ZNF138: variants seen among roughly 807,000 people sequenced by gnomAD.
ZNF138 encodes the protein zinc finger protein 138, also known as zinc finger protein 138 (clone pHZ-32).
In ZNF138, 33 loss-of-function variants were observed where a neutral mutation model predicts 33.0. The observed-to-expected ratio is 1.00, with a 90% confidence interval of 0.76 to 1.34. The LOEUF is 1.34. ZNF138 is among the 40% of genes most tolerant of loss of function. ZNF138 has a pLI of 0.00. For synonymous variants in ZNF138, 139 were observed against 120.4 expected (o/e 1.15, Z -1.01); for missense variants, 360 against 370.8 (o/e 0.97, Z 0.24).
In ZNF138 at chr7:64,831,551, G is replaced by GAA; in HGVS notation, c.310_311dup (p.Asn104LysfsTer5). 3.7e-6 allele frequency: 6 copies of GAA among 1,613,516 alleles called. No homozygotes were observed. Among genetic ancestry groups the GAA allele is most frequent in the African/African-American group, 1.3e-5 (1 of 75,002 alleles). ...GCAGATATGGAAAATATGGACATAA[G>GAA]AATTTACAGTTAAGAAAAGGCTGTA... On this transcript the variant is annotated frameshift_variant, in exon 4 of 4. Coordinates refer to ENST00000307355, the MANE Select transcript of ZNF138 (RefSeq NM_001271639.2). LOFTEE classifies it high-confidence loss of function.
the ZNF138 span, among the ~76,000 whole-genome samples, chr7:64,859,278 T>C: frequency 0.015 from 2,277 of 152,266 alleles, 61 homozygotes; most frequent in African/African-American, 0.052. Flanking sequence ...GAAAATTGTA[T>C]TTTATTAGTT....
intron 1 of ZNF138, among the ~76,000 whole-genome samples, chr7:64,810,412 G>A (rs1294672757): frequency 1.2e-4 from 13 of 106,508 alleles, no homozygotes; most frequent in Non-Finnish European, 1.8e-4. Context: ...GTCCAGCTTC[G>A]GCTCAGCATG....
chr7:64,821,324 T>C (rs1377617212), intron 3 of ZNF138, among the ~76,000 whole-genome samples: 3 of 151,204 alleles, frequency 2.0e-5, no homozygotes, highest in Admixed American at 6.6e-5. Flanking sequence ...CTCGTGACAT[T>C]GTGATCCACC....
chr7:64,840,479 CATT>C, the ZNF138 span, among the ~76,000 whole-genome samples: 1 of 5,030 alleles, frequency 2.0e-4, no homozygotes, highest in East Asian at 0.056. Flanking sequence ...ATATTTATGT[CATT>C]ATATGGCATT....
At chr7:64,854,462 A>G in the ZNF138 span, among the ~76,000 whole-genome samples, 10 of 152,190 alleles carry the variant, frequency 6.6e-5, no homozygotes, top group African/African-American at 2.2e-4. Flanking sequence ...GCTAGTCTTG[A>G]ACTCCTGACC....
intron 1 of ZNF138, among the ~76,000 whole-genome samples, chr7:64,807,359 T>G (rs542198411): frequency 3.9e-5 from 6 of 152,334 alleles, no homozygotes; most frequent in Non-Finnish European, 8.8e-5. Context: ...AATCCACTTA[T>G]AACTGCTGCT....
the ZNF138 span, among the ~76,000 whole-genome samples, chr7:64,854,851 A>T: frequency 3.3e-5 from 5 of 152,176 alleles, no homozygotes; most frequent in African/African-American, 9.7e-5. Flanking sequence ...AATACAAATA[A>T]TTTTCATGGG....
At chr7:64,828,182 G>GT (rs76909260) in intron 3 of ZNF138, among the ~76,000 whole-genome samples, 102,000 of 150,954 alleles carry the variant, frequency 0.68, 34,962 homozygotes, top group East Asian at 0.84. Flanking sequence ...CATAATTCTG[G>GT]TTTTTTTTTA....
At chr7:64,852,626 G>A in the ZNF138 span, 12 of 1,469,402 alleles carry the variant, frequency 8.2e-6, no homozygotes, top group East Asian at 4.5e-5. Flanking sequence ...GTTGAGCCTC[G>A]CCATGTTCAT....
intron 1 of ZNF138, among the ~76,000 whole-genome samples, chr7:64,798,086 G>A (rs1053018348): frequency 2.6e-5 from 4 of 152,126 alleles, no homozygotes; most frequent in Admixed American, 2.0e-4. Context: ...GATTACAGCC[G>A]CCCACCACCA....
Position 64,831,918 on chromosome 7 carries a change from GAAGT to G in ZNF138, c.678_681del (p.Glu226AspfsTer17), listed in dbSNP as rs1241002545. The G allele has an allele frequency of 6.2e-7, 1 of 1,613,570 alleles. No individual in the cohort carries two copies. The highest frequency in any genetic ancestry group is 1.7e-5 in the Admixed American group (1 of 59,976). On this transcript the variant is annotated frameshift_variant, in exon 4 of 4. Coordinates refer to ENST00000307355, the MANE Select transcript of ZNF138 (RefSeq NM_001271639.2). LOFTEE classifies it high-confidence loss of function. ...TACTGGAGAAAAACCCTACAAATGT[GAAGT>G]ATGTGGAAAAGCCTTTCACCAATCC...
chr7:64,794,907 A>G (rs568803163), intron 1 of ZNF138, among the ~76,000 whole-genome samples: 9 of 152,246 alleles, frequency 5.9e-5, no homozygotes, highest in African/African-American at 2.2e-4. Context: ...ATGAATGGGA[A>G]GAGGTTTCCT....
At position 64,831,756 on chromosome 7, in the gene ZNF138, T is replaced by C. The variant is rs1481188916; in HGVS notation, c.514T>C (p.Cys172Arg). Residue 172 changes from cysteine to arginine, a missense_variant, in exon 4 of 4, where the codon TGT becomes CGT. Coordinates refer to ENST00000307355, the MANE Select transcript of ZNF138 (RefSeq NM_001271639.2). ...AAATAAACATTTCAGATGTAAAGAA[T>C]GTGACAAATCACTTTGCATGCTTTC... is the stretch of plus-strand genomic sequence containing the variant. ...TENKHFRCKE[C>R]DKSLCMLSRL... 1 of 1,613,730 alleles carries C rather than the reference T, an allele frequency of 6.2e-7. No individual in the cohort carries two copies. The highest frequency in any genetic ancestry group is 1.7e-5 in the Admixed American group (1 of 60,008).
intron 1 of ZNF138, among the ~76,000 whole-genome samples, chr7:64,796,425 C>T (rs1047334213): frequency 6.6e-6 from 1 of 151,062 alleles, no homozygotes; most frequent in Non-Finnish European, 1.5e-5. Context: ...CTGCCACTCC[C>T]TGGGATTGTC....
intron 3 of ZNF138, among the ~76,000 whole-genome samples, chr7:64,827,222 A>G (rs1239354309): frequency 6.7e-6 from 1 of 149,740 alleles, no homozygotes; most frequent in African/African-American, 2.5e-5. Flanking sequence ...AATTACAGGG[A>G]TGAGCCACTG....
chr7:64,822,766 A>T (rs13240139), intron 3 of ZNF138, among the ~76,000 whole-genome samples: 1 of 152,216 alleles, frequency 6.6e-6, no homozygotes, highest in Non-Finnish European at 1.5e-5. Flanking sequence ...AATCAAATTT[A>T]AAAATTTTAA....
chr7:64,827,748 T>C (rs1174404311), intron 3 of ZNF138, among the ~76,000 whole-genome samples: 1 of 152,190 alleles, frequency 6.6e-6, no homozygotes, highest in African/African-American at 2.4e-5. Flanking sequence ...CTTTCATGAA[T>C]ATATTGATGT....
the ZNF138 span, chr7:64,853,394 C>T: frequency 5.9e-6 from 7 of 1,188,338 alleles, no homozygotes; most frequent in Non-Finnish European, 8.4e-6. Context: ...CAGCCCCTCC[C>T]TTCCCTCTGC....
At position 64,820,921 on chromosome 7, in the gene ZNF138, C is replaced by T. The variant is rs555409193; in HGVS notation, c.208+5268C>T. Among the ~76,000 whole-genome samples, 60 of 151,420 alleles carry T rather than the reference C, an allele frequency of 4.0e-4. 5 individuals are homozygous for T. The highest frequency in any genetic ancestry group is 1.4e-3 in the African/African-American group (59 of 40,844). On this transcript the variant is annotated intron_variant, in intron 3 of 3. Transcript: ENST00000307355. ...TTATAAAATTTTAAAATAATGACTG[C>T]ATTCTTGTTTTCCACCAACAATCAA...
Sources: gnomAD v4.1 joint callset for allele counts (sites outside exome capture counted in the v4.1 genomes callset) on GRCh38, gnomAD v4.1.1 for gene constraint, MANE v1.5 for transcripts, NCBI Gene and HGNC (gene_info 2026-07-23, HGNC 2026-07-21) for gene names.